The following FLT1 variants were observed in gnomAD, a reference collection of about 807,000 sequenced individuals.
FLT1 encodes fms related receptor tyrosine kinase 1.
In FLT1, 49 loss-of-function variants were observed where a neutral mutation model predicts 156.3. The observed-to-expected ratio is 0.31, with a 90% CI of 0.25 to 0.40. The LOEUF (loss-of-function observed/expected upper bound fraction) is 0.40, where lower values mean the gene tolerates loss of function less well. Ranked by LOEUF, FLT1 falls within the 10% of genes least tolerant of loss-of-function variation. The probability of loss-of-function intolerance (pLI) is 1.00; values close to 1 mark genes in which losing one functional copy is unlikely to be tolerated. For missense variants in FLT1, 1,322 were observed against 1,637.2 expected, an observed-to-expected ratio of 0.81 and a Z score of 3.32; for synonymous variants, 594 against 583.8, an observed-to-expected ratio of 1.02 and a Z score of -0.25.
In FLT1 at chr13:28,439,241, C is replaced by T. The variant is rs112063040; in HGVS notation, c.389-896G>A. ...GGAATCTATTGACATCCTCAGGCAA[C>T]GATCTCTTCGGGAGTCATTGTGTTC... On this transcript the variant is annotated intron_variant, in intron 3 of 29. Coordinates refer to ENST00000282397, the MANE Select transcript of FLT1 (RefSeq NM_002019.4). This position sits in a 1 kb window ranked among gnomAD's most constrained non-coding sequence, Gnocchi z 4.1. Among the ~76,000 whole-genome samples the T allele has an allele frequency of 6.6e-6, 1 of 152,162 alleles. No individual in the cohort carries two copies. The highest frequency in any genetic ancestry group is 6.5e-5 in the Admixed American group (1 of 15,282).
intron 14 of FLT1, among the ~76,000 whole-genome samples, chr13:28,367,044 G>A (rs889700490): frequency 6.6e-6 from 1 of 152,180 alleles, no homozygotes; most frequent in South Asian, 2.1e-4. Flanking sequence ...GGGTGGAGGA[G>A]GGGAGTGAGC....
chr13:28,378,604 C>T (rs1428947001), intron 14 of FLT1, among the ~76,000 whole-genome samples: 1 of 152,094 alleles, frequency 6.6e-6, no homozygotes. Context: ...TATTTTTCCT[C>T]TCTATGTCTC....
chr13:28,406,645 A>G (rs909086266), intron 10 of FLT1, among the ~76,000 whole-genome samples: 3 of 26,182 alleles, frequency 1.1e-4, no homozygotes, highest in African/African-American at 2.0e-4. Flanking sequence ...TATTATTATT[A>G]TTATTATTAT....
chr13:28,331,849 G>C (rs1280049519), intron 18 of FLT1, among the ~76,000 whole-genome samples: 1 of 146,088 alleles, frequency 6.8e-6, no homozygotes. Flanking sequence ...AATCAATGCT[G>C]ATGGCTAAAA....
chr13:28,409,963 G>A (rs1388574631), intron 10 of FLT1, among the ~76,000 whole-genome samples: 1 of 151,770 alleles, frequency 6.6e-6, no homozygotes, highest in East Asian at 1.9e-4. Flanking sequence ...AATGACCAGT[G>A]CATGCACAGT....
At chr13:28,387,160 G>C in intron 13 of FLT1, 1 of 1,035,204 alleles carries the variant, frequency 9.7e-7, no homozygotes, top group Non-Finnish European at 1.2e-6. Context: ...GATAGAAGCA[G>C]CAAAAAGGCT....
chr13:28,469,216 A>G (rs1880016705), intron 1 of FLT1, among the ~76,000 whole-genome samples: 2 of 152,212 alleles, frequency 1.3e-5, no homozygotes, highest in South Asian at 4.1e-4. Context: ...TTTGGCACCA[A>G]TCTCAGGGTA....
chr13:28,486,468 T>G (rs1025428195), intron 1 of FLT1, among the ~76,000 whole-genome samples: 1 of 152,256 alleles, frequency 6.6e-6, no homozygotes, highest in Admixed American at 6.5e-5. Context: ...GCAGTCATAC[T>G]GGAGGAAACC....
Position 28,449,399 on chromosome 13 carries a change from G to A in FLT1, c.389-11054C>T, listed in dbSNP as rs562672109. On this transcript the variant is annotated intron_variant, in intron 3 of 29. Transcript: ENST00000282397. ...GTGTGTGGGTATTATAGTCCACATG[G>A]AATGCGCAATTTAATATCTCCTAGT... 1.1e-4 allele frequency among the ~76,000 whole-genome samples: 17 copies of A among 152,328 alleles called. No individual in the cohort carries two copies. In the South Asian group the frequency reaches 3.5e-3, roughly 32 times the overall value.
chr13:28,456,795 C>CA (rs34237824), intron 3 of FLT1, among the ~76,000 whole-genome samples: 165 of 129,808 alleles, frequency 1.3e-3, no homozygotes, highest in South Asian at 4.8e-3. Flanking sequence ...GACTCCCTCT[C>CA]AAAAAAAAAA....
At chr13:28,356,040 G>A (rs1872886647) in intron 15 of FLT1, among the ~76,000 whole-genome samples, 1 of 152,180 alleles carries the variant, frequency 6.6e-6, no homozygotes, top group South Asian at 2.1e-4. Flanking sequence ...AGCCATTGCT[G>A]CCCCATATTC....
intron 3 of FLT1, among the ~76,000 whole-genome samples, chr13:28,445,218 C>T (rs541420214): frequency 4.6e-5 from 7 of 152,038 alleles, no homozygotes; most frequent in Non-Finnish European, 7.4e-5. Flanking sequence ...GGCTCATGCC[C>T]GTAATCCCAG....
In FLT1 at chr13:28,384,857, A is replaced by G. The variant is rs61763187; in HGVS notation, c.2116+28T>C. ...GGGGGCTGATGAAAGATGAGAAATA[A>G]TAAATGGAAGAAAAAAAAGTCTCTT... On this transcript the variant is annotated intron_variant, in intron 14 of 29. Transcript: ENST00000282397. The G allele has an allele frequency of 6.4e-4, 1,024 of 1,609,750 alleles. 8 individuals are homozygous for G. The African/African-American group carries it at 0.012, about 18-fold the overall frequency.
intron 1 of FLT1, among the ~76,000 whole-genome samples, chr13:28,475,326 C>T (rs941418993): frequency 2.6e-5 from 4 of 151,908 alleles, no homozygotes; most frequent in South Asian, 2.1e-4. Flanking sequence ...CTGTATATTC[C>T]GTTTATTTGA....
intron 16 of FLT1, among the ~76,000 whole-genome samples, chr13:28,342,635 A>G (rs1010346224): frequency 3.9e-5 from 6 of 152,188 alleles, no homozygotes; most frequent in Non-Finnish European, 8.8e-5. Flanking sequence ...TATCAAATCT[A>G]AGGTCAAATA....
At chr13:28,415,229 C>T (rs1194291858) in intron 10 of FLT1, among the ~76,000 whole-genome samples, 3 of 152,188 alleles carry the variant, frequency 2.0e-5, no homozygotes, top group Admixed American at 6.5e-5. Context: ...CCTGTAATCC[C>T]AGCACTTTGG....
chr13:28,492,457 T>A (rs1881522798), intron 1 of FLT1, among the ~76,000 whole-genome samples: 1 of 152,224 alleles, frequency 6.6e-6, no homozygotes, highest in Non-Finnish European at 1.5e-5. Flanking sequence ...TTGGCATCTT[T>A]TTATTTCCCA....
At chr13:28,467,478 G>T in intron 2 of FLT1, 43 bp downstream of exon 2, 1 of 1,294,646 alleles carries the variant, frequency 7.7e-7, no homozygotes, top group Non-Finnish European at 1.1e-6. Context: ...TTTTGCCTTA[G>T]GCATGGCAAC....
intron 3 of FLT1, among the ~76,000 whole-genome samples, chr13:28,456,209 G>T (rs558611520): frequency 6.6e-6 from 1 of 152,206 alleles, no homozygotes; most frequent in African/African-American, 2.4e-5. Flanking sequence ...CTAAAACTTG[G>T]AAGCAGCCAA....
Sources: gnomAD v4.1 joint callset for allele counts (sites outside exome capture counted in the v4.1 genomes callset) on GRCh38, gnomAD v4.1.1 for gene constraint, Gnocchi (gnomAD v3.1) non-coding constraint, MANE v1.5 for transcripts, NCBI Gene and HGNC (gene_info 2026-07-23, HGNC 2026-07-21) for gene names.